The following UEVLD variants were observed in gnomAD, a reference collection of about 807,000 sequenced individuals.
UEVLD encodes UEV and lactate/malate dehyrogenase domains, also known as ubiquitin-conjugating enzyme E2 variant 3.
A neutral mutation model predicts 58.6 loss-of-function variants in UEVLD; 47 were observed. The ratio of observed to expected loss-of-function variants is 0.80; its 90% confidence interval spans 0.63 to 1.02. The LOEUF (loss-of-function observed/expected upper bound fraction) is 1.02. Ranked by LOEUF, UEVLD falls within the 50% of genes least tolerant of loss-of-function variation. The probability of loss-of-function intolerance (pLI) is 0.00; values close to 1 mark genes in which losing one functional copy is unlikely to be tolerated. For synonymous variants in UEVLD, 197 were observed against 195.3 expected, an observed-to-expected ratio of 1.01 and a Z score of -0.07; for missense variants, 510 against 550.6, an observed-to-expected ratio of 0.93 and a Z score of 0.74.
Position 18,529,836 on chromosome 11 carries a change from T to C in UEVLD, c.*2484A>G, listed in dbSNP as rs1377152741. The C allele has an allele frequency of 1.3e-5, 2 of 152,206 alleles. No homozygotes were observed. The highest frequency in any genetic ancestry group is 1.9e-4 in the East Asian group (1 of 5,206). The allele number at this position is 152,206 out of a possible 1,614,324, so 9.4% of individuals were successfully genotyped here. On this transcript the variant is annotated 3_prime_UTR_variant, in exon 12 of 12. Transcript: ENST00000396197. ...TCATAGGGAGGTGGTGGTGGTGATA[T>C]TGCTTCTTGACTTACACTGGGATTT...
At chr11:18,536,384 G>A in intron 10 of UEVLD, 22 bp downstream of exon 10, 2 of 1,610,516 alleles carry the variant, frequency 1.2e-6, no homozygotes, top group Non-Finnish European at 1.7e-6. Context: ...TTGGATAAAT[G>A]CAAATTTCCA....
At chr11:18,565,900 CTTTTTTTTTT>C (rs1178580117) in intron 5 of UEVLD, among the ~76,000 whole-genome samples, 1 of 135,842 alleles carries the variant, frequency 7.4e-6, no homozygotes, top group African/African-American at 2.7e-5. Context: ...CTTTTTTTTT[CTTTTTTTTTT>C]TTTTTTGAGA....
At chr11:18,587,062 C>T (rs1224258876) in intron 1 of UEVLD, among the ~76,000 whole-genome samples, 1 of 152,050 alleles carries the variant, frequency 6.6e-6, no homozygotes, top group Non-Finnish European at 1.5e-5. Context: ...TAATAAGCTA[C>T]CTATGTGCCA....
At chr11:18,566,581 G>T in intron 4 of UEVLD, 99 bp from the exon 5 acceptor site, 1 of 1,281,154 alleles carries the variant, frequency 7.8e-7, no homozygotes, top group Non-Finnish European at 1.1e-6. Context: ...AGGAGTTTCA[G>T]ATGCAGTGAG....
rs899969250 is a variant in UEVLD at position 18,565,476 on chromosome 11, A to G, written c.494-466T>C. ...TGAAAAAAAGTTTGGGATCATTAAT[A>G]TACAGCAAGTGGTTTTGAACAAGAA... On this transcript the variant is annotated intron_variant, in intron 5 of 11. Coordinates refer to ENST00000396197, the MANE Select transcript of UEVLD (RefSeq NM_001040697.4). Among the ~76,000 whole-genome samples the G allele has an allele frequency of 2.0e-5, 3 of 152,244 alleles. No individual in the cohort carries two copies. The East Asian group carries it at 5.8e-4, about 29-fold the overall frequency.
At chr11:18,555,832 C>T (rs935274760) in intron 7 of UEVLD, among the ~76,000 whole-genome samples, 4 of 151,978 alleles carry the variant, frequency 2.6e-5, no homozygotes, top group African/African-American at 9.7e-5. Context: ...GCCTGTAGTC[C>T]AAGCTACTTA....
At chr11:18,542,326 C>G (rs1335942197) in intron 9 of UEVLD, among the ~76,000 whole-genome samples, 1 of 152,016 alleles carries the variant, frequency 6.6e-6, no homozygotes, top group Non-Finnish European at 1.5e-5. Flanking sequence ...TTTGAATGAG[C>G]CATGAATTTC....
chr11:18,560,928 T>C (rs1852002159), intron 6 of UEVLD, among the ~76,000 whole-genome samples: 1 of 151,950 alleles, frequency 6.6e-6, no homozygotes, highest in South Asian at 2.1e-4. Context: ...GGAGAATCTC[T>C]TGAAGCCGGG....
intron 2 of UEVLD, among the ~76,000 whole-genome samples, chr11:18,578,492 G>A (rs747292322): frequency 1.4e-4 from 22 of 152,174 alleles, no homozygotes; most frequent in African/African-American, 4.1e-4. Flanking sequence ...CACAGTAAAC[G>A]TGTGTTTTTT....
chr11:18,544,497 G>A (rs913489330), intron 9 of UEVLD, 126 bp downstream of exon 9: 6 of 949,502 alleles, frequency 6.3e-6, no homozygotes, highest in Admixed American at 2.8e-5. Context: ...TTGTAGAGAT[G>A]GGGTCTTGCT....
At chr11:18,547,974 C>G (rs1036495812) in intron 7 of UEVLD, among the ~76,000 whole-genome samples, 1 of 152,110 alleles carries the variant, frequency 6.6e-6, no homozygotes, top group African/African-American at 2.4e-5. Flanking sequence ...AGGCTGGACT[C>G]AAACTCCTGG....
intron 9 of UEVLD, among the ~76,000 whole-genome samples, chr11:18,542,043 G>T (rs868586067): frequency 3.4e-4 from 51 of 152,200 alleles, no homozygotes; most frequent in African/African-American, 1.2e-3. Context: ...ATATTTTGGG[G>T]GTCCCTGAGT....
rs1301192203 is a variant in UEVLD, at chr11:18,529,687, T to A, written c.*2633A>T. The A allele has an allele frequency of 2.0e-5, 3 of 152,214 alleles. No individual in the cohort carries two copies. Among genetic ancestry groups the A allele is most frequent in the Non-Finnish European group, 4.4e-5 (3 of 68,042 alleles). The allele number at this position is 152,214 out of a possible 1,614,324, so 9.4% of individuals were successfully genotyped here. On this transcript the variant is annotated 3_prime_UTR_variant, in exon 12 of 12. Coordinates refer to ENST00000396197, the MANE Select transcript of UEVLD (RefSeq NM_001040697.4). ...ATGTAAAATGGGAAAAAATGTATCT[T>A]CTGCTACATCAAAAAAGCATTTTAA...
intron 2 of UEVLD, among the ~76,000 whole-genome samples, chr11:18,576,513 G>A (rs1017759796): frequency 7.9e-5 from 12 of 152,060 alleles, no homozygotes; most frequent in Admixed American, 4.6e-4. Flanking sequence ...GCAACAGAGC[G>A]AGACTCCATC....
At chr11:18,533,855 T>C (rs909018589) in intron 11 of UEVLD, among the ~76,000 whole-genome samples, 2 of 152,208 alleles carry the variant, frequency 1.3e-5, no homozygotes, top group African/African-American at 4.8e-5. Context: ...GGTTTCACCA[T>C]GTTAGCCAGG....
intron 7 of UEVLD, among the ~76,000 whole-genome samples, chr11:18,557,547 CTTTT>C (rs1366779988): frequency 2.0e-5 from 3 of 147,568 alleles, no homozygotes; most frequent in East Asian, 4.0e-4. Flanking sequence ...AATTTTTTTT[CTTTT>C]TTTCTTTTTT....
At chr11:18,565,061 T>C (rs1208459470) in intron 5 of UEVLD, 51 bp from the exon 6 acceptor site, 2 of 1,378,076 alleles carry the variant, frequency 1.5e-6, no homozygotes, top group Admixed American at 3.7e-5. Flanking sequence ...CAAGAATTTT[T>C]TTAGGATCTT....
Position 18,569,990 on chromosome 11 carries a change from T to C in UEVLD, c.357+224A>G, listed in dbSNP as rs560255487. 1.1e-3 allele frequency: 380 copies of C among 336,744 alleles called. 3 individuals carry two copies. In the Middle Eastern group the frequency reaches 0.022, roughly 19 times the overall value. 20.9% of individuals were successfully genotyped at this position (336,744 alleles called of 1,614,324 possible). On this transcript the variant is annotated intron_variant, in intron 4 of 11. Coordinates refer to ENST00000396197, the MANE Select transcript of UEVLD (RefSeq NM_001040697.4). ...CTATAAAAAGACAGGGAGCAAACAG[T>C]TGGCTCCAAAACCTGGAGGGAGCAG...
chr11:18,552,690 T>C (rs1298808499), intron 7 of UEVLD, among the ~76,000 whole-genome samples: 1 of 151,392 alleles, frequency 6.6e-6, no homozygotes, highest in Non-Finnish European at 1.5e-5. Context: ...GGTGAAACCC[T>C]GTCTCTACTA....
Sources: allele counts gnomAD v4.1 joint callset (sites outside exome capture counted in the v4.1 genomes callset), GRCh38; gene constraint gnomAD v4.1.1; transcripts MANE v1.5; gene names NCBI Gene and HGNC (gene_info 2026-07-23, HGNC 2026-07-21).